EVX1: variants seen among roughly 807,000 people sequenced by gnomAD.
EVX1 encodes the protein even-skipped homeobox 1, also known as homeobox even-skipped homolog protein 1.
EVX1 carries 19 observed loss-of-function variants against 28.6 expected under a neutral mutation model. The ratio of observed to expected loss-of-function variants is 0.67; its 90% CI spans 0.46 to 0.98. The LOEUF is 0.98. Among genes scored for constraint, EVX1 ranks in the 50% least tolerant of loss-of-function variants. The pLI is 0.00. For missense variants in EVX1, 660 were observed against 583.0 expected (o/e 1.13, Z -1.36); for synonymous variants, 324 against 278.2 (o/e 1.16, Z -1.64).
chr7:27,244,939 C>T, intron 1 of EVX1, 109 bp from the exon 2 acceptor site: 1 of 1,472,788 alleles, frequency 6.8e-7, no homozygotes, highest in East Asian at 2.3e-5. Context: ...AGGTGGCTGA[C>T]AGGGTGTCCC....
At chr7:27,245,552 C>T (rs1204283826) in intron 2 of EVX1, among the ~76,000 whole-genome samples, 2 of 152,194 alleles carry the variant, frequency 1.3e-5, no homozygotes, top group African/African-American at 4.8e-5. Flanking sequence ...GTGCGGGTGA[C>T]AAGGAAGTTT....
Position 27,242,953 on chromosome 7 carries a change from T to C in EVX1, c.-78T>C. 1 of 1,386,330 alleles carries C rather than the reference T, an allele frequency of 7.2e-7. No individual in the cohort carries two copies. The allele number at this position is 1,386,330 out of a possible 1,614,324, so 85.9% of individuals were successfully genotyped here. ...TTCTCCCTCTTGCAACCAAGATCCG[T>C]CCGGCCGCTGGAGACCCAGGGAGCC... On this transcript the variant is annotated 5_prime_UTR_variant, in exon 1 of 3. Transcript: ENST00000496902.
chr7:27,246,465 G>A lies in EVX1; in HGVS notation c.*40G>A. ...GCTGCCGGCTCCATGACGCCCGTGGGGTCACCCCCCGGCCCCGGGACTCAG... is the reference window on the plus strand; with the variant it reads ...GCTGCCGGCTCCATGACGCCCGTGGAGTCACCCCCCGGCCCCGGGACTCAG... On this transcript the variant is annotated 3_prime_UTR_variant, in exon 3 of 3. Transcript: ENST00000496902. 9 of 1,560,400 alleles carry A rather than the reference G, an allele frequency of 5.8e-6. No individual in the cohort carries two copies. Among genetic ancestry groups the A allele is most frequent in the Non-Finnish European group, 7.8e-6 (9 of 1,159,784 alleles).
chr7:27,243,290 C>G lies in EVX1; in HGVS notation c.260C>G (p.Ala87Gly). ...GGGCCGGGCGCCGAGCCCCAGGTAG[C>G]TGGGGCGGCCATGCTCGGCCCAGGA... ...AAGPGAEPQV[A>G]GAAMLGPGPP... Residue 87 changes from alanine to glycine, a missense_variant, in exon 1 of 3, where the codon GCT becomes GGT. Physicochemically the swap from Ala to Gly is moderately conservative, Grantham distance 60. Transcript: ENST00000496902. 1 of 1,554,740 alleles carries G rather than the reference C, an allele frequency of 6.4e-7. No individual in the cohort carries two copies. Among genetic ancestry groups the G allele is most frequent in the African/African-American group, 1.4e-5 (1 of 73,082 alleles).
In EVX1 at chr7:27,243,189, C is replaced by A; in HGVS notation, c.159C>A (p.Val53=). 6.4e-7 allele frequency: 1 copy of A among 1,566,312 alleles called. No individual in the cohort carries two copies. The highest frequency in any genetic ancestry group is 8.7e-7 in the Non-Finnish European group (1 of 1,155,794). Residue 53 remains valine (V), a synonymous_variant, in exon 1 of 3, where the codon GTC becomes GTA. Coordinates refer to ENST00000496902, the MANE Select transcript of EVX1 (RefSeq NM_001989.5). ...VPRGCLSPRA[V]PPATRERGGG... ...GTGGTTGCCTGAGCCCTCGGGCCGT[C>A]CCTCCGGCCACCCGGGAGCGCGGCG...
In EVX1 at chr7:27,246,016, C is replaced by T; in HGVS notation, c.815C>T (p.Pro272Leu). 1 of 1,599,530 alleles carries T rather than the reference C, an allele frequency of 6.3e-7. No homozygotes were observed. Among genetic ancestry groups the T allele is most frequent in the Non-Finnish European group, 8.5e-7 (1 of 1,179,510 alleles). ...GCGGCCGCGGGCGGCCTGCCCTACCCCTTCCCATCGCACCTGCCCCTGCCC... is the reference window on the plus strand; with the variant it reads ...GCGGCCGCGGGCGGCCTGCCCTACCTCTTCCCATCGCACCTGCCCCTGCCC... ...HAAAAGGLPY[P>L]FPSHLPLPYY... Residue 272 changes from proline (P) to leucine (L), a missense_variant, in exon 3 of 3, where the codon CCC becomes CTC. Pro to Leu is a moderately conservative substitution (Grantham distance 98). Coordinates refer to ENST00000496902, the MANE Select transcript of EVX1 (RefSeq NM_001989.5).
At chr7:27,244,369 G>T in intron 1 of EVX1, 1 of 345,006 alleles carries the variant, frequency 2.9e-6, no homozygotes, top group Non-Finnish European at 4.1e-6. Flanking sequence ...AAGAGCCTGG[G>T]GGCGGGGGGG....
At chr7:27,243,913 T>G in intron 1 of EVX1, 1 of 155,110 alleles carries the variant, frequency 6.4e-6, no homozygotes, top group Non-Finnish European at 1.4e-5. Flanking sequence ...GCAGCCCGGG[T>G]GCTGCAGCCC....
At chr7:27,244,162 G>C (rs575357595) in intron 1 of EVX1, among the ~76,000 whole-genome samples, 5 of 152,226 alleles carry the variant, frequency 3.3e-5, no homozygotes, top group South Asian at 4.1e-4. Flanking sequence ...AGGCCCAAAG[G>C]GGGGCTGGTT....
Position 27,246,116 on chromosome 7 carries a change from C to T in EVX1, c.915C>T (p.Arg305=), listed in dbSNP as rs779386597. 16 of 1,543,238 alleles carry T rather than the reference C, an allele frequency of 1.0e-5. No homozygotes were observed. The highest frequency in any genetic ancestry group is 1.2e-5 in the Non-Finnish European group (14 of 1,154,382). The part of the protein sequence containing the change: ...AAASPFSGSL[R]PLDTFRVLSQ... ...CCTCGCCCTTCAGCGGCTCGCTGCG[C>T]CCGCTCGACACGTTCCGCGTGCTGT... is the stretch of plus-strand genomic sequence containing the variant. The change falls in exon 3 of 3, where the codon CGC becomes CGT. Residue 305 remains arginine (R), a synonymous_variant. Transcript: ENST00000496902.
rs934610330 is a variant in EVX1 at position 27,242,918 on chromosome 7, C to T, written c.-113C>T. 1.6e-6 allele frequency: 2 copies of T among 1,221,632 alleles called. No homozygotes were observed. The highest frequency in any genetic ancestry group is 5.5e-5 in the East Asian group (2 of 36,200). 75.7% of individuals were successfully genotyped at this position (1,221,632 alleles called of 1,614,324 possible). On this transcript the variant is annotated 5_prime_UTR_variant, in exon 1 of 3. Coordinates refer to ENST00000496902, the MANE Select transcript of EVX1 (RefSeq NM_001989.5). ...GCAGCTCCGCGCCCTCCCAGGCACC[C>T]GGCCTTTCTTTCTCCCTCTTGCAAC... is the stretch of plus-strand genomic sequence containing the variant.
intron 1 of EVX1, among the ~76,000 whole-genome samples, chr7:27,244,215 G>C (rs1246295955): frequency 6.6e-6 from 1 of 152,230 alleles, no homozygotes; most frequent in Non-Finnish European, 1.5e-5. Context: ...TGGGAAAGGG[G>C]TGGATAGCCC....
rs1283965918 is a variant in EVX1, at chr7:27,245,971, C to T, written c.770C>T (p.Thr257Ile). The change falls in exon 3 of 3, where the codon ACT becomes ATT. Residue 257 changes from threonine to isoleucine, a missense_variant. Around this residue, in one of 3 missense-constraint regions of EVX1, gnomAD observed 299 missense variants for 241.3 expected, o/e 1.24. Coordinates refer to ENST00000496902, the MANE Select transcript of EVX1 (RefSeq NM_001989.5). ...CACCCGGCGGACCCCGCCTTCTACA[C>T]TTACATGATGAGCCATGCGGCGGCC... ...WPHPADPAFY[T>I]YMMSHAAAAG... The T allele has an allele frequency of 6.2e-7, 1 of 1,607,524 alleles. No homozygotes were observed. The highest frequency in any genetic ancestry group is 1.1e-5 in the South Asian group (1 of 91,070).
Position 27,245,274 on chromosome 7 carries a change from C to T in EVX1, c.654C>T (p.Ala218=), listed in dbSNP as rs770726420. 11 of 1,613,336 alleles carry T rather than the reference C, an allele frequency of 6.8e-6. No individual in the cohort carries two copies. Among genetic ancestry groups the T allele is most frequent in the Non-Finnish European group, 7.6e-6 (9 of 1,180,034 alleles). The change falls in exon 2 of 3, where the codon GCC becomes GCT. Residue 218 remains alanine (A), a synonymous_variant. Transcript: ENST00000496902. ...VSRPRRCELA[A]ALNLPETTIK... is the part of the protein sequence containing the mutation. The stretch of plus-strand genomic sequence containing the variant: ...GGCCGCGGAGATGTGAGCTGGCGGC[C>T]GCCCTAAACCTGCCGGAAACCACCA...
At position 27,246,212 on chromosome 7, in the gene EVX1, C is replaced by T; in HGVS notation, c.1011C>T (p.His337=). 6.7e-7 allele frequency: 1 copy of T among 1,499,176 alleles called. No homozygotes were observed. 92.9% of individuals were successfully genotyped at this position (1,499,176 alleles called of 1,614,324 possible). The change falls in exon 3 of 3, where the codon CAC becomes CAT. Residue 337 remains histidine (H), a synonymous_variant. Transcript: ENST00000496902. ...CGCCGCTCTACCCCGGGCCCGCGCA[C>T]GGACTGGGCGCCTCTGCCGGCGGCC... ...RHPPLYPGPA[H]GLGASAGGPC...
chr7:27,243,496 G>A, intron 1 of EVX1, 39 bp downstream of exon 1: 1 of 1,536,870 alleles, frequency 6.5e-7, no homozygotes, highest in Middle Eastern at 1.8e-4. Flanking sequence ...GCCTCCCACT[G>A]CGCCCACCCT....
rs1263171476 is a variant in EVX1, at chr7:27,246,096, C to T, written c.895C>T (p.Pro299Ser). 1 of 1,561,488 alleles carries T rather than the reference C, an allele frequency of 6.4e-7. No individual in the cohort carries two copies. Among genetic ancestry groups the T allele is most frequent in the Admixed American group, 1.8e-5 (1 of 55,484 alleles). The part of the protein sequence containing the change: ...AASAASAAAS[P>S]FSGSLRPLDT... ...ATCCGCCGCCTCCGCCGCCGCCTCG[C>T]CCTTCAGCGGCTCGCTGCGCCCGCT... The change falls in exon 3 of 3, where the codon CCC (proline) becomes TCC (serine). Residue 299 changes from proline to serine, a missense_variant. Transcript: ENST00000496902.
Position 27,245,146 on chromosome 7 carries a change from G to A in EVX1, c.526G>A (p.Ala176Thr). Residue 176 changes from alanine to threonine, a missense_variant, in exon 2 of 3, where the codon GCG (alanine) becomes ACG (threonine). By Grantham distance (58) the Ala-to-Thr change is moderately conservative. Around this residue, in one of 3 missense-constraint regions of EVX1, gnomAD observed 308 missense variants for 256.6 expected, o/e 1.20. Transcript: ENST00000496902. ...TGGGGGCGGCTCGCAAGGCACCCTG[G>A]CGTGCAGCGCCAGTGACCAGATGCG... ...SGGGGSQGTL[A>T]CSASDQMRRY... is the part of the protein sequence containing the mutation. 6.2e-7 allele frequency: 1 copy of A among 1,613,254 alleles called. No homozygotes were observed. Among genetic ancestry groups the A allele is most frequent in the Non-Finnish European group, 8.5e-7 (1 of 1,180,008 alleles).
rs1783211010 is a variant in EVX1, at chr7:27,246,976, G to C, written c.*551G>C. The stretch of plus-strand genomic sequence containing the variant: ...GGCAACATACCAGTCATTTGGAGGA[G>C]AGAGTGAGAGATGATTTACTACCAG... On this transcript the variant is annotated 3_prime_UTR_variant, in exon 3 of 3. Transcript: ENST00000496902. 1.3e-5 allele frequency: 2 copies of C among 155,138 alleles called. No homozygotes were observed. Among genetic ancestry groups the C allele is most frequent in the African/African-American group, 4.8e-5 (2 of 41,478 alleles). 9.6% of individuals were successfully genotyped at this position (155,138 alleles called of 1,614,324 possible).
Sources: gnomAD v4.1 joint callset for allele counts (sites outside exome capture counted in the v4.1 genomes callset) on GRCh38, gnomAD v4.1.1 for gene constraint, gnomAD v4.1.1 regional missense constraint, MANE v1.5 for transcripts, NCBI Gene and HGNC (gene_info 2026-07-23, HGNC 2026-07-21) for gene names.